RASAL2: variants seen among roughly 807,000 people sequenced by gnomAD.
RASAL2 encodes the protein ras GTPase-activating protein nGAP.
Under a neutral mutation model 128.9 loss-of-function variants are expected in RASAL2, and 58 were observed. That is an observed-to-expected ratio of 0.45 (90% CI 0.36 to 0.56). The LOEUF (loss-of-function observed/expected upper bound fraction) is 0.56. Ranked by LOEUF, RASAL2 falls within the 20% of genes least tolerant of loss-of-function variation. The pLI, the probability that RASAL2 is intolerant of heterozygous loss-of-function variation, is 0.00. For missense variants in RASAL2, 1,360 were observed against 1,601.6 expected (o/e 0.85, Z 2.57); for synonymous variants, 561 against 580.8 (o/e 0.97, Z 0.49).
intron 4 of RASAL2, among the ~76,000 whole-genome samples, chr1:178,396,553 A>T (rs116701879): frequency 0.014 from 2,200 of 151,754 alleles, 54 homozygotes; most frequent in African/African-American, 0.049. Context: ...TATGCAAAAA[A>T]ATATATATAT....
intron 1 of RASAL2, among the ~76,000 whole-genome samples, chr1:178,180,663 T>TCACACACACACACA (rs3979280): frequency 0.063 from 8,736 of 139,100 alleles, 351 homozygotes; most frequent in Middle Eastern, 0.11. Context: ...CGAGACTGTC[T>TCACACACACACACA]CACACACACA....
At chr1:178,335,328 A>G (rs985165544) in intron 3 of RASAL2, among the ~76,000 whole-genome samples, 2 of 152,180 alleles carry the variant, frequency 1.3e-5, no homozygotes, top group Non-Finnish European at 2.9e-5. Flanking sequence ...CTTCCTTTAT[A>G]TAAAATATAG....
chr1:178,224,180 T>C (rs542557986), intron 1 of RASAL2, among the ~76,000 whole-genome samples: 3 of 152,080 alleles, frequency 2.0e-5, no homozygotes, highest in Admixed American at 6.5e-5. Context: ...GAACCTCTGA[T>C]TGAACCAGTC....
chr1:178,323,268 G>A lies in RASAL2; in HGVS notation c.457+23150G>A, dbSNP rs191184346. On this transcript the variant is annotated intron_variant, in intron 3 of 17. Transcript: ENST00000367649. ...ACTCACCTTGGTATCACCATAGCAG[G>A]TTGTTTTGTACATAACTGCAGGCTG... Among the ~76,000 whole-genome samples the A allele has an allele frequency of 3.3e-5, 5 of 152,286 alleles. No individual in the cohort carries two copies. The East Asian group carries it at 9.6e-4, about 29-fold the overall frequency.
intron 1 of RASAL2, among the ~76,000 whole-genome samples, chr1:178,209,624 A>G (rs1033052436): frequency 6.6e-6 from 1 of 152,036 alleles, no homozygotes; most frequent in Admixed American, 6.6e-5. Context: ...ATGGGCTTTT[A>G]GTCTAAAGAC....
At chr1:178,250,739 A>G (rs1242840371) in intron 1 of RASAL2, among the ~76,000 whole-genome samples, 1 of 152,230 alleles carries the variant, frequency 6.6e-6, no homozygotes, top group African/African-American at 2.4e-5. Context: ...AAAGTTTACA[A>G]CTATGGGGAC....
intron 1 of RASAL2, among the ~76,000 whole-genome samples, chr1:178,238,959 C>T (rs1186573459): frequency 1.3e-5 from 2 of 151,986 alleles, no homozygotes; most frequent in African/African-American, 2.4e-5. Context: ...ATTATGAAAC[C>T]GTATCCTTAT....
chr1:178,138,725 T>G (rs1221988732), intron 1 of RASAL2, among the ~76,000 whole-genome samples: 1 of 152,150 alleles, frequency 6.6e-6, no homozygotes, highest in Non-Finnish European at 1.5e-5. Flanking sequence ...TATATGAAAA[T>G]TCTTAATTTA....
chr1:178,247,800 T>A (rs984998661), intron 1 of RASAL2, among the ~76,000 whole-genome samples: 3 of 152,200 alleles, frequency 2.0e-5, no homozygotes, highest in African/African-American at 7.2e-5. Flanking sequence ...AAGAACTTCG[T>A]TATCTCTACC....
chr1:178,463,988 C>G (rs529831576), intron 14 of RASAL2, among the ~76,000 whole-genome samples: 1 of 152,040 alleles, frequency 6.6e-6, no homozygotes, highest in Non-Finnish European at 1.5e-5. Context: ...GTATTTGGAC[C>G]ACTGGGCAAA....
At chr1:178,449,127 G>A (rs1677209064) in intron 9 of RASAL2, among the ~76,000 whole-genome samples, 1 of 152,124 alleles carries the variant, frequency 6.6e-6, no homozygotes, top group Non-Finnish European at 1.5e-5. Flanking sequence ...AATTTTCAGA[G>A]AGAATTGATT....
chr1:178,304,861 T>C (rs910482560), intron 3 of RASAL2, among the ~76,000 whole-genome samples: 1 of 152,178 alleles, frequency 6.6e-6, no homozygotes, highest in African/African-American at 2.4e-5. Context: ...GAAGCCAACT[T>C]ATTCTTGTTT....
rs11809262 is a variant in RASAL2 at position 178,357,496 on chromosome 1, T to A, written c.458-32604T>A. On this transcript the variant is annotated intron_variant, in intron 3 of 17. Transcript: ENST00000367649. The stretch of plus-strand genomic sequence containing the variant: ...GTATTTTAATGATTATAGATTTTAA[T>A]GTTTTTCTCTTACTGATATAGGGAA... Among the ~76,000 whole-genome samples the A allele has an allele frequency of 5.5e-3, 844 of 152,292 alleles. 11 individuals are homozygous for A. Among genetic ancestry groups the A allele is most frequent in the African/African-American group, 0.019 (790 of 41,576 alleles).
chr1:178,154,027 CG>C (rs1303613025), intron 1 of RASAL2, among the ~76,000 whole-genome samples: 2 of 151,670 alleles, frequency 1.3e-5, no homozygotes, highest in African/African-American at 4.8e-5. Flanking sequence ...TTAGAGACAG[CG>C]TTTCACCATG....
At chr1:178,173,337 T>C (rs958740982) in intron 1 of RASAL2, among the ~76,000 whole-genome samples, 1 of 152,094 alleles carries the variant, frequency 6.6e-6, no homozygotes, top group Non-Finnish European at 1.5e-5. Flanking sequence ...TTGGTATTCA[T>C]GTTTCCTGAG....
chr1:178,343,438 G>A (rs1669985093), intron 3 of RASAL2, among the ~76,000 whole-genome samples: 1 of 152,140 alleles, frequency 6.6e-6, no homozygotes, highest in Non-Finnish European at 1.5e-5. Context: ...TATTCATGTT[G>A]TATTACACAA....
chr1:178,305,113 T>C (rs1667931673), intron 3 of RASAL2, among the ~76,000 whole-genome samples: 1 of 152,072 alleles, frequency 6.6e-6, no homozygotes, highest in Admixed American at 6.6e-5. Context: ...ATCGCTACAA[T>C]GAAAACTATA....
At chr1:178,262,735 G>A (rs115050021) in intron 1 of RASAL2, among the ~76,000 whole-genome samples, 5,560 of 151,746 alleles carry the variant, frequency 0.037, 150 homozygotes, top group Non-Finnish European at 0.056. Context: ...ACTGGTTAGA[G>A]TAAAACAGTG....
intron 1 of RASAL2, among the ~76,000 whole-genome samples, chr1:178,173,111 T>C (rs954627350): frequency 3.9e-5 from 6 of 152,086 alleles, no homozygotes; most frequent in Admixed American, 1.3e-4. Flanking sequence ...CGTGTCCATT[T>C]CTCCATCCCT....
Sources: allele counts gnomAD v4.1 joint callset (sites outside exome capture counted in the v4.1 genomes callset), GRCh38; gene constraint gnomAD v4.1.1; transcripts MANE v1.5; gene names NCBI Gene and HGNC (gene_info 2026-07-23, HGNC 2026-07-21).